Variants in MTHFD2L observed in about 807,000 individuals in gnomAD.
MTHFD2L encodes the protein bifunctional methylenetetrahydrofolate dehydrogenase/cyclohydrolase 2, mitochondrial.
Under a neutral mutation model 34.9 loss-of-function variants are expected in MTHFD2L, and 29 were observed. The ratio of observed to expected loss-of-function variants is 0.83; its 90% CI spans 0.62 to 1.13. The LOEUF is 1.13. Among genes scored for constraint, MTHFD2L ranks in the 50% most tolerant of loss-of-function variants. MTHFD2L has a pLI of 0.00. For missense variants in MTHFD2L, 481 were observed against 446.5 expected (o/e 1.08, Z -0.70); for synonymous variants, 167 against 155.7 (o/e 1.07, Z -0.54).
chr4:74,175,998 G>T (rs1413162215), intron 3 of MTHFD2L, among the ~76,000 whole-genome samples: 1 of 152,000 alleles, frequency 6.6e-6, no homozygotes, highest in African/African-American at 2.4e-5. Context: ...TCCTTTCAAA[G>T]TTTAGATTAG....
intron 6 of MTHFD2L, among the ~76,000 whole-genome samples, chr4:74,240,423 C>T (rs1383932114): frequency 2.0e-5 from 3 of 151,784 alleles, no homozygotes; most frequent in Non-Finnish European, 4.4e-5. Flanking sequence ...TATTTATGAT[C>T]GCAAAAAGTG....
chr4:74,271,378 T>C (rs1745959113), intron 6 of MTHFD2L, among the ~76,000 whole-genome samples: 1 of 152,238 alleles, frequency 6.6e-6, no homozygotes, highest in Non-Finnish European at 1.5e-5. Flanking sequence ...CAGTTTCAGC[T>C]TTCTACATAT....
At chr4:74,143,127 A>G (rs997105754) in intron 1 of MTHFD2L, among the ~76,000 whole-genome samples, 2 of 152,174 alleles carry the variant, frequency 1.3e-5, no homozygotes, top group Non-Finnish European at 2.9e-5. Context: ...ACCTCTTCAA[A>G]TACAAAACAA....
intron 6 of MTHFD2L, chr4:74,268,136 G>A: frequency 1.0e-6 from 1 of 984,212 alleles, no homozygotes; most frequent in African/African-American, 1.8e-5. Context: ...ACTTTTTGAG[G>A]ATTTCTAGAA....
chr4:74,157,948 G>A (rs1724464383), upstream of MTHFD2L: 4 of 899,410 alleles, frequency 4.4e-6, no homozygotes, highest in African/African-American at 3.3e-5. Flanking sequence ...CTGCGGACCC[G>A]GCACTCTGTC....
At chr4:74,277,006 A>G (rs974387895) in intron 6 of MTHFD2L, among the ~76,000 whole-genome samples, 1 of 152,094 alleles carries the variant, frequency 6.6e-6, no homozygotes, top group African/African-American at 2.4e-5. Context: ...AGAAGTTTGT[A>G]AGTCTGGCAG....
intron 7 of MTHFD2L, among the ~76,000 whole-genome samples, chr4:74,285,874 A>G (rs1748110463): frequency 6.6e-6 from 1 of 152,084 alleles, no homozygotes; most frequent in Non-Finnish European, 1.5e-5. Context: ...TCACTTCTAC[A>G]TGATTATTCA....
intron 1 of MTHFD2L, among the ~76,000 whole-genome samples, chr4:74,163,900 G>C (rs1726026644): frequency 6.6e-6 from 1 of 152,152 alleles, no homozygotes; most frequent in Non-Finnish European, 1.5e-5. Context: ...GTTTGAGGCA[G>C]AGTCTTGCTC....
chr4:74,237,383 T>C (rs1741005229), intron 6 of MTHFD2L, among the ~76,000 whole-genome samples: 1 of 152,186 alleles, frequency 6.6e-6, no homozygotes, highest in East Asian at 1.9e-4. Context: ...GCACGGTGGC[T>C]CAAGCCTATA....
intron 7 of MTHFD2L, among the ~76,000 whole-genome samples, chr4:74,299,050 A>T (rs1018528050): frequency 6.6e-6 from 1 of 152,000 alleles, no homozygotes; most frequent in Non-Finnish European, 1.5e-5. Flanking sequence ...AATTGATAGT[A>T]GCTATGGTTT....
chr4:74,209,862 T>G (rs1041328978), intron 5 of MTHFD2L, among the ~76,000 whole-genome samples: 3 of 152,210 alleles, frequency 2.0e-5, no homozygotes, highest in Admixed American at 1.3e-4. Context: ...ATCTGTTGTT[T>G]CCTGACTTTT....
At chr4:74,141,007 C>A (rs185756094) in intron 1 of MTHFD2L, among the ~76,000 whole-genome samples, 1 of 152,228 alleles carries the variant, frequency 6.6e-6, no homozygotes, top group East Asian at 1.9e-4. Context: ...TGTTAGATTA[C>A]CTTACCAAAT....
At chr4:74,162,505 CT>C (rs3051352) in intron 1 of MTHFD2L, among the ~76,000 whole-genome samples, 20,957 of 124,248 alleles carry the variant, frequency 0.17, 3,032 homozygotes, top group African/African-American at 0.45. Flanking sequence ...TCTCTCCCCA[CT>C]TTTTTTTTTT....
chr4:74,232,781 T>C (rs1248343195), intron 6 of MTHFD2L, among the ~76,000 whole-genome samples: 3 of 151,464 alleles, frequency 2.0e-5, no homozygotes, highest in Admixed American at 6.6e-5. Context: ...TATTTGTATT[T>C]AGCAGCTCTA....
chr4:74,160,891 C>T (rs965927781), intron 1 of MTHFD2L: 1 of 152,190 alleles, frequency 6.6e-6, no homozygotes, highest in Non-Finnish European at 1.5e-5. Context: ...TGCAGGTATC[C>T]TGCAACACAG....
chr4:74,233,750 A>G (rs1212794466), intron 6 of MTHFD2L, among the ~76,000 whole-genome samples: 3 of 152,172 alleles, frequency 2.0e-5, no homozygotes, highest in Admixed American at 6.5e-5. Context: ...CCTCAGAACC[A>G]TCACAAAGTT....
chr4:74,287,329 T>C (rs947881305), intron 7 of MTHFD2L, among the ~76,000 whole-genome samples: 1 of 152,212 alleles, frequency 6.6e-6, no homozygotes, highest in Admixed American at 6.5e-5. Flanking sequence ...GCATGTATCA[T>C]TATTTGGTTC....
chr4:74,216,458 G>T (rs1737229139), intron 5 of MTHFD2L, among the ~76,000 whole-genome samples: 2 of 151,822 alleles, frequency 1.3e-5, no homozygotes, highest in African/African-American at 4.9e-5. Context: ...TCAGTGTTGA[G>T]AATGATTTCT....
At chr4:74,170,712 G>T (rs533008382) in intron 1 of MTHFD2L, among the ~76,000 whole-genome samples, 1 of 151,506 alleles carries the variant, frequency 6.6e-6, no homozygotes, top group African/African-American at 2.4e-5. Context: ...GATACACAAA[G>T]AACTTTAAAA....
Sources: allele counts gnomAD v4.1 joint callset (sites outside exome capture counted in the v4.1 genomes callset), GRCh38; gene constraint gnomAD v4.1.1; transcripts MANE v1.5; gene names NCBI Gene and HGNC (gene_info 2026-07-23, HGNC 2026-07-21).